The following C3orf49 variants were observed in gnomAD, a reference collection of about 807,000 sequenced individuals.
C3orf49 encodes the protein putative uncharacterized protein C3orf49.
In C3orf49, 27 loss-of-function variants were observed where a neutral mutation model predicts 13.3. The observed-to-expected ratio is 2.02, with a 90% CI of 1.49 to 2.79. C3orf49 has a LOEUF of 2.79. C3orf49 is among the 30% of genes most tolerant of loss of function. C3orf49 has a pLI of 0.00. For synonymous variants in C3orf49, 87 were observed against 47.6 expected (o/e 1.83, Z -3.40); for missense variants, 242 against 134.2 (o/e 1.80, Z -3.97).
At chr3:63,821,554 C>T (rs1156382767) in intron 1 of C3orf49, among the ~76,000 whole-genome samples, 3 of 151,990 alleles carry the variant, frequency 2.0e-5, no homozygotes, top group African/African-American at 7.3e-5. Flanking sequence ...ACCCAAGTAT[C>T]CTTCAATCAG....
the C3orf49 span, among the ~76,000 whole-genome samples, chr3:63,794,245 A>G: frequency 1.8e-4 from 28 of 152,114 alleles, no homozygotes; most frequent in East Asian, 5.2e-3. Context: ...TCTACTTGCC[A>G]TTTTGAATAT....
intron 5 of C3orf49, chr3:63,834,294 A>G: frequency 1.6e-6 from 2 of 1,224,096 alleles, no homozygotes; most frequent in East Asian, 2.4e-5. Context: ...TTATTAGCCA[A>G]TACAATTAAA....
chr3:63,800,671 A>G, the C3orf49 span, among the ~76,000 whole-genome samples: 1 of 152,186 alleles, frequency 6.6e-6, no homozygotes, highest in African/African-American at 2.4e-5. Context: ...AACTGGCTCA[A>G]GGTCACATAG....
At chr3:63,837,517 T>C (rs1701659692) in intron 5 of C3orf49, among the ~76,000 whole-genome samples, 1 of 152,044 alleles carries the variant, frequency 6.6e-6, no homozygotes, top group Non-Finnish European at 1.5e-5. Context: ...AGTCTAGAAA[T>C]GTTTGCTTGC....
At chr3:63,823,153 T>C in intron 1 of C3orf49, 97 bp from the exon 2 acceptor site, 3 of 589,416 alleles carry the variant, frequency 5.1e-6, no homozygotes, top group Non-Finnish European at 3.0e-6. Context: ...CTGAATTGTA[T>C]AATTGGTTCA....
chr3:63,789,385 A>G, the C3orf49 span, among the ~76,000 whole-genome samples: 2 of 152,228 alleles, frequency 1.3e-5, no homozygotes, highest in African/African-American at 4.8e-5. Context: ...TAGGAGAGAT[A>G]CACTTTTAAG....
At chr3:63,799,571 C>T in the C3orf49 span, among the ~76,000 whole-genome samples, 1 of 152,104 alleles carries the variant, frequency 6.6e-6, no homozygotes, top group Admixed American at 6.6e-5. Context: ...AATGCCATAA[C>T]CGTTCCATAT....
chr3:63,780,294 T>C, the C3orf49 span, among the ~76,000 whole-genome samples: 3 of 152,192 alleles, frequency 2.0e-5, no homozygotes, highest in Non-Finnish European at 4.4e-5. Context: ...TCCAGCTTCA[T>C]CCATGTCCCT....
intron 6 of C3orf49, among the ~76,000 whole-genome samples, 185 bp downstream of exon 6, chr3:63,845,267 G>C (rs143464582): frequency 0.012 from 1,808 of 152,240 alleles, 15 homozygotes; most frequent in Middle Eastern, 0.034. Flanking sequence ...GGGTACCTAG[G>C]GTTAGTTTGT....
At chr3:63,795,355 C>T in the C3orf49 span, among the ~76,000 whole-genome samples, 1 of 152,184 alleles carries the variant, frequency 6.6e-6, no homozygotes, top group Non-Finnish European at 1.5e-5. Flanking sequence ...CTGCTCAGGT[C>T]TGTTCCCACA....
At chr3:63,834,403 T>C (rs1025040187) in intron 5 of C3orf49, among the ~76,000 whole-genome samples, 38 of 151,532 alleles carry the variant, frequency 2.5e-4, no homozygotes, top group Non-Finnish European at 7.4e-5. Context: ...CTCATGCCTA[T>C]AATCCCAGCA....
chr3:63,842,629 A>T (rs938070436), intron 5 of C3orf49, among the ~76,000 whole-genome samples: 5 of 152,206 alleles, frequency 3.3e-5, no homozygotes, highest in African/African-American at 1.2e-4. Flanking sequence ...GTTCTCACTT[A>T]TAAGTGGGAG....
intron 5 of C3orf49, among the ~76,000 whole-genome samples, chr3:63,843,431 T>A (rs1054654284): frequency 4.6e-5 from 7 of 152,108 alleles, no homozygotes; most frequent in Non-Finnish European, 1.0e-4. Flanking sequence ...ATAATTCTTT[T>A]AAAATTAAAA....
chr3:63,810,608 A>G, the C3orf49 span, among the ~76,000 whole-genome samples: 1 of 152,190 alleles, frequency 6.6e-6, no homozygotes, highest in Non-Finnish European at 1.5e-5. Flanking sequence ...TCAATTCCAC[A>G]GGTTGGGCCA....
intron 5 of C3orf49, among the ~76,000 whole-genome samples, chr3:63,843,287 T>A (rs1360167610): frequency 6.6e-6 from 1 of 151,862 alleles, no homozygotes; most frequent in African/African-American, 2.4e-5. Context: ...CCCAGCTAAT[T>A]TTGTATTTCC....
At chr3:63,839,802 C>G (rs1242808156) in intron 5 of C3orf49, 1 of 1,581,552 alleles carries the variant, frequency 6.3e-7, no homozygotes, top group African/African-American at 1.3e-5. Flanking sequence ...ATGTTACCAT[C>G]TGGCTCTTGG....
At chr3:63,817,583 A>G (rs1309508135), upstream of C3orf49, among the ~76,000 whole-genome samples, 3 of 152,156 alleles carry the variant, frequency 2.0e-5, no homozygotes, top group East Asian at 3.8e-4. Context: ...CCAAGGACCC[A>G]TAAGCTTGGA....
upstream of C3orf49, among the ~76,000 whole-genome samples, chr3:63,814,526 T>C (rs1264153605): frequency 6.6e-6 from 1 of 152,146 alleles, no homozygotes; most frequent in Non-Finnish European, 1.5e-5. Context: ...TCAGACATGT[T>C]CAAAGGAAGA....
chr3:63,833,217 C>T (rs984934548), intron 5 of C3orf49, among the ~76,000 whole-genome samples: 13 of 151,946 alleles, frequency 8.6e-5, no homozygotes, highest in African/African-American at 3.1e-4. Context: ...CTGCCTCAGC[C>T]TCCTGAGTAG....
Sources: gnomAD v4.1 joint callset for allele counts (sites outside exome capture counted in the v4.1 genomes callset) on GRCh38, gnomAD v4.1.1 for gene constraint, MANE v1.5 for transcripts, NCBI Gene and HGNC (gene_info 2026-07-23, HGNC 2026-07-21) for gene names.